GFRA3: variants seen among roughly 807,000 people sequenced by gnomAD.
GFRA3 encodes GDNF family receptor alpha-3.
In GFRA3, 24 loss-of-function variants were observed where a neutral mutation model predicts 40.0. The observed-to-expected ratio is 0.60, with a 90% confidence interval of 0.43 to 0.84. The LOEUF is 0.84. Ranked by LOEUF, GFRA3 falls within the 40% of genes least tolerant of loss-of-function variation. The probability of loss-of-function intolerance (pLI) is 0.00; values close to 1 mark genes in which losing one functional copy is unlikely to be tolerated. For synonymous variants in GFRA3, 203 were observed against 213.5 expected (o/e 0.95, Z 0.43); for missense variants, 405 against 530.6 (o/e 0.76, Z 2.33).
chr5:138,257,122 C>T (rs368239456), intron 4 of GFRA3, among the ~76,000 whole-genome samples: 1 of 152,092 alleles, frequency 6.6e-6, no homozygotes, highest in African/African-American at 2.4e-5. Flanking sequence ...GGGGACTAAA[C>T]GGAACCTTAG....
intron 3 of GFRA3, among the ~76,000 whole-genome samples, chr5:138,258,890 G>C (rs1210176070): frequency 6.6e-6 from 1 of 152,180 alleles, no homozygotes; most frequent in Non-Finnish European, 1.5e-5. Context: ...TCAAGTAATT[G>C]CAACAGGTTA....
intron 1 of GFRA3, among the ~76,000 whole-genome samples, chr5:138,271,026 C>T (rs1379391866): frequency 1.3e-5 from 2 of 151,708 alleles, no homozygotes; most frequent in East Asian, 3.9e-4. Flanking sequence ...GAGTTTTGCT[C>T]TTGTTACCCA....
At chr5:138,256,783 C>T (rs1278066270) in intron 4 of GFRA3, among the ~76,000 whole-genome samples, 2 of 151,144 alleles carry the variant, frequency 1.3e-5, no homozygotes, top group Non-Finnish European at 3.0e-5. Context: ...CCCATCTCTA[C>T]CAAAAATAAA....
intron 2 of GFRA3, among the ~76,000 whole-genome samples, chr5:138,261,106 G>A (rs1410457353): frequency 6.6e-6 from 1 of 152,224 alleles, no homozygotes; most frequent in East Asian, 1.9e-4. Context: ...CATTGGCTTT[G>A]GTACTGGGCA....
intron 2 of GFRA3, among the ~76,000 whole-genome samples, chr5:138,260,893 C>T (rs1755700123): frequency 6.6e-6 from 1 of 150,812 alleles, no homozygotes; most frequent in South Asian, 2.1e-4. Context: ...CGGTGGCACA[C>T]ACATATAGTC....
At chr5:138,271,322 T>C (rs868535789) in intron 1 of GFRA3, among the ~76,000 whole-genome samples, 1 of 152,124 alleles carries the variant, frequency 6.6e-6, no homozygotes, top group Non-Finnish European at 1.5e-5. Flanking sequence ...AACTATTGAG[T>C]TGTAAACATT....
At chr5:138,253,155 T>C in intron 7 of GFRA3, 98 bp from the exon 8 acceptor site, 2 of 842,950 alleles carry the variant, frequency 2.4e-6, no homozygotes, top group Non-Finnish European at 4.0e-6. Flanking sequence ...CCCTGAGGTA[T>C]CCATTAGAGG....
chr5:138,271,873 C>T (rs1457485292), intron 1 of GFRA3, among the ~76,000 whole-genome samples: 3 of 115,782 alleles, frequency 2.6e-5, no homozygotes, highest in African/African-American at 9.7e-5. Context: ...CCACCATTCC[C>T]GGCAGTATTT....
chr5:138,264,429 T>C lies in GFRA3; in HGVS notation c.211A>G (p.Ile71Val), dbSNP rs1755753427. 6.2e-7 allele frequency: 1 copy of C among 1,613,968 alleles called. No individual in the cohort carries two copies. Among genetic ancestry groups the C allele is most frequent in the African/African-American group, 1.3e-5 (1 of 74,916 alleles). ...YHHLDSCTSSISTPLPSEEPS... is the reference protein window; with the variant it reads ...YHHLDSCTSSVSTPLPSEEPS... ...TCCTCTGAGGGCAGTGGGGTGCTTA[T>C]GCTAGAGGTGCAGGAATCCAGGTGG... Residue 71 changes from isoleucine (I) to valine (V), a missense_variant, in exon 2 of 8, where the codon ATA (isoleucine) becomes GTA (valine). By Grantham distance (29) the Ile-to-Val change is conservative (BLOSUM62 3). Transcript: ENST00000274721.
intron 4 of GFRA3, among the ~76,000 whole-genome samples, chr5:138,256,484 C>T (rs1213223560): frequency 3.3e-5 from 5 of 149,856 alleles, no homozygotes; most frequent in South Asian, 2.1e-4. Flanking sequence ...GCCGAGACTG[C>T]GCCACTGCAC....
chr5:138,264,293 A>AT lies in GFRA3; in HGVS notation c.346dup (p.Ile116AsnfsTer13), dbSNP rs766770583. Reference sequence around the variant, plus strand: ...GCGGGCACGGTGAACGGTCCAATAGATGTCCAAGCAGGCAACCTGGTTCTT... The same window carrying AT: ...GCGGGCACGGTGAACGGTCCAATAGATTGTCCAAGCAGGCAACCTGGTTCTT... On this transcript the variant is annotated frameshift_variant, in exon 2 of 8. Transcript: ENST00000274721. LOFTEE classifies it high-confidence loss of function. 1.3e-5 allele frequency: 21 copies of AT among 1,610,572 alleles called. No homozygotes were observed. The highest frequency in any genetic ancestry group is 1.8e-5 in the Non-Finnish European group (21 of 1,177,306).
At chr5:138,263,118 A>G (rs1257577602) in intron 2 of GFRA3, among the ~76,000 whole-genome samples, 1 of 152,054 alleles carries the variant, frequency 6.6e-6, no homozygotes, top group African/African-American at 2.4e-5. Context: ...GGTGCCCACC[A>G]CCATGCCCAG....
At position 138,259,564 on chromosome 5, in the gene GFRA3, G is replaced by A; in HGVS notation, c.465C>T (p.Leu155=). The change falls in exon 3 of 8, where the codon CTC becomes CTT. Residue 155 remains leucine (L), a synonymous_variant. Coordinates refer to ENST00000274721, the MANE Select transcript of GFRA3 (RefSeq NM_001496.4). ...WKMNLSKLNM[L]KPDSDLCLKF... ...CCTAGTTGCCCTCCACACCTGGTTT[G>A]AGCATGTTCAGTTTGCTGAGATTCA... 1 of 1,491,880 alleles carries A rather than the reference G, an allele frequency of 6.7e-7. No individual in the cohort carries two copies. Among genetic ancestry groups the A allele is most frequent in the Non-Finnish European group, 9.4e-7 (1 of 1,068,342 alleles). The allele number at this position is 1,491,880 out of a possible 1,614,324, so 92.4% of individuals were successfully genotyped here.
rs1467686191 is a variant in GFRA3, at chr5:138,257,685, T to TG, written c.738dup (p.Asn247GlnfsTer83). ...CAGAGGCGCCGCAGCTCCAGGCAGT[T>TG]GGGGGCCACAGGCGGCAGCGCGCAG... is the stretch of plus-strand genomic sequence containing the variant. On this transcript the variant is annotated frameshift_variant, in exon 4 of 8. Transcript: ENST00000274721. LOFTEE classifies it high-confidence loss of function. 1 of 1,609,942 alleles carries TG rather than the reference T, an allele frequency of 6.2e-7. No homozygotes were observed. The highest frequency in any genetic ancestry group is 8.5e-7 in the Non-Finnish European group (1 of 1,179,070).
chr5:138,264,517 C>T lies in GFRA3; in HGVS notation c.123G>A (p.Met41Ile), dbSNP rs780131102. 1.2e-6 allele frequency: 2 copies of T among 1,610,100 alleles called. No homozygotes were observed. The highest frequency in any genetic ancestry group is 4.5e-5 in the East Asian group (2 of 44,796). The change falls in exon 2 of 8, where the codon ATG (methionine) becomes ATA (isoleucine). Residue 41 changes from methionine (M) to isoleucine (I), a missense_variant. Coordinates refer to ENST00000274721, the MANE Select transcript of GFRA3 (RefSeq NM_001496.4). ...TCCTCCTGGCCTGGAGACAGCTGTT[C>T]ATGAGTCGGCTTTCTGTGGGAAGGG... ...GDPLPTESRL[M>I]NSCLQARRKC...
intron 2 of GFRA3, among the ~76,000 whole-genome samples, chr5:138,260,539 C>T (rs569935575): frequency 9.9e-5 from 15 of 152,270 alleles, no homozygotes; most frequent in South Asian, 8.3e-4. Context: ...GAGGCCTAGG[C>T]GGGTAGATCA....
chr5:138,270,295 C>A (rs1755849861), intron 1 of GFRA3, among the ~76,000 whole-genome samples: 1 of 151,282 alleles, frequency 6.6e-6, no homozygotes, highest in Non-Finnish European at 1.5e-5. Context: ...TGGCGCGAAC[C>A]CGGGAGGCGG....
intron 1 of GFRA3, chr5:138,267,256 A>ACCTCAGCT (rs1014723050): frequency 9.5e-6 from 1 of 105,452 alleles, no homozygotes; most frequent in African/African-American, 3.8e-5. Flanking sequence ...CAGTGGCATG[A>ACCTCAGCT]CCTCAGCTCT....
At chr5:138,256,695 T>C (rs1007713622) in intron 4 of GFRA3, among the ~76,000 whole-genome samples, 2 of 152,096 alleles carry the variant, frequency 1.3e-5, no homozygotes, top group African/African-American at 4.8e-5. Flanking sequence ...ACACCTGTAA[T>C]CCTAGCACTT....
Sources: gnomAD v4.1 joint callset for allele counts (sites outside exome capture counted in the v4.1 genomes callset) on GRCh38, gnomAD v4.1.1 for gene constraint, MANE v1.5 for transcripts, NCBI Gene and HGNC (gene_info 2026-07-23, HGNC 2026-07-21) for gene names.